CNTN4: variants seen among roughly 807,000 people sequenced by gnomAD.
The protein encoded by CNTN4 is contactin-4.
Under a neutral mutation model 122.5 loss-of-function variants are expected in CNTN4, and 77 were observed. The observed-to-expected ratio is 0.63, with a 90% CI of 0.52 to 0.76. CNTN4 has a LOEUF of 0.76. Among genes scored for constraint, CNTN4 ranks in the 30% least tolerant of loss-of-function variants. The pLI, the probability that CNTN4 is intolerant of heterozygous loss-of-function variation, is 0.00. For synonymous variants in CNTN4, 512 were observed against 447.0 expected, an observed-to-expected ratio of 1.15 and a Z score of -1.83; for missense variants, 1,256 against 1,259.1, an observed-to-expected ratio of 1.00 and a Z score of 0.04.
At chr3:2,330,488 C>G (rs1486617703) in intron 2 of CNTN4, among the ~76,000 whole-genome samples, 1 of 152,050 alleles carries the variant, frequency 6.6e-6, no homozygotes, top group Non-Finnish European at 1.5e-5. Flanking sequence ...TTGGAGATTC[C>G]AGGGATTTTA....
At chr3:2,464,558 T>A (rs79360315) in intron 3 of CNTN4, among the ~76,000 whole-genome samples, 1 of 152,178 alleles carries the variant, frequency 6.6e-6, no homozygotes, top group Non-Finnish European at 1.5e-5. Context: ...CTACATGTAG[T>A]CAAGTGTTGT....
At chr3:2,859,154 C>T (rs1260592176) in intron 7 of CNTN4, among the ~76,000 whole-genome samples, 1 of 152,236 alleles carries the variant, frequency 6.6e-6, no homozygotes, top group Non-Finnish European at 1.5e-5. Flanking sequence ...TGAGATCATG[C>T]ACTGCTTGTC....
chr3:3,000,880 C>CTTTTTTTTTTT (rs59337830), intron 14 of CNTN4, among the ~76,000 whole-genome samples: 4 of 131,500 alleles, frequency 3.0e-5, no homozygotes, highest in Non-Finnish European at 3.3e-5. Context: ...TTCTTTCTTT[C>CTTTTTTTTTTT]TTTTTTTTTT....
chr3:2,384,649 A>T (rs1049766649), intron 3 of CNTN4, among the ~76,000 whole-genome samples: 2 of 152,028 alleles, frequency 1.3e-5, no homozygotes, highest in Non-Finnish European at 2.9e-5. Context: ...TTTTTCTTCT[A>T]TGACACCTGA....
At chr3:2,183,390 A>C (rs1472396934) in intron 2 of CNTN4, among the ~76,000 whole-genome samples, 1 of 152,196 alleles carries the variant, frequency 6.6e-6, no homozygotes, top group South Asian at 2.1e-4. Flanking sequence ...TGAATCCGTA[A>C]TAACAATAGG....
At chr3:2,119,974 C>T (rs931552023) in intron 2 of CNTN4, among the ~76,000 whole-genome samples, 2 of 152,032 alleles carry the variant, frequency 1.3e-5, no homozygotes, top group Non-Finnish European at 2.9e-5. Context: ...TCAAGAAAGG[C>T]TTCTTGGTAA....
In CNTN4 at chr3:2,618,545, T is replaced by C. The variant is rs780020617; in HGVS notation, c.55+46987T>C. On this transcript the variant is annotated intron_variant, in intron 4 of 24. Coordinates refer to ENST00000418658, the MANE Select transcript of CNTN4 (RefSeq NM_175607.3). ...TTCATTTTTACAACAACCTATGAAA[T>C]AGGTATATTGATCCTATTCCAGAAA... Among the ~76,000 whole-genome samples, 58 of 152,242 alleles carry C rather than the reference T, an allele frequency of 3.8e-4. No homozygotes were observed. In the Middle Eastern group the frequency reaches 0.01, roughly 27 times the overall value.
At chr3:2,112,441 G>A (rs1323259304) in intron 2 of CNTN4, among the ~76,000 whole-genome samples, 1 of 152,108 alleles carries the variant, frequency 6.6e-6, no homozygotes, top group Non-Finnish European at 1.5e-5. Context: ...TAACAATAAT[G>A]ACTGGTGTAT....
At chr3:2,548,210 T>G (rs940840936) in intron 3 of CNTN4, among the ~76,000 whole-genome samples, 4 of 152,230 alleles carry the variant, frequency 2.6e-5, no homozygotes, top group African/African-American at 9.6e-5. Context: ...TGGCTTTTGT[T>G]GCCATTGCTT....
At chr3:2,861,242 A>G (rs2150773919) in intron 7 of CNTN4, among the ~76,000 whole-genome samples, 1 of 152,286 alleles carries the variant, frequency 6.6e-6, no homozygotes, top group South Asian at 2.1e-4. Flanking sequence ...CCAATTCCAG[A>G]GATCTTTCCA....
chr3:2,572,296 G>T (rs1225791567), intron 4 of CNTN4, among the ~76,000 whole-genome samples: 2 of 152,170 alleles, frequency 1.3e-5, no homozygotes, highest in East Asian at 3.9e-4. Context: ...TGAGGCAGGA[G>T]AATTGCTTGA....
intron 3 of CNTN4, among the ~76,000 whole-genome samples, chr3:2,458,288 A>G (rs1196502529): frequency 6.6e-6 from 1 of 152,174 alleles, no homozygotes; most frequent in Non-Finnish European, 1.5e-5. Flanking sequence ...TTAGAAGTTA[A>G]TATTAACCTA....
chr3:2,131,352 A>G (rs138449292), intron 2 of CNTN4, among the ~76,000 whole-genome samples: 4 of 152,298 alleles, frequency 2.6e-5, no homozygotes, highest in African/African-American at 9.6e-5. Flanking sequence ...ATCAACATAA[A>G]GGGAATTAAT....
chr3:2,799,835 T>G (rs1201201526), intron 6 of CNTN4, among the ~76,000 whole-genome samples: 1 of 152,196 alleles, frequency 6.6e-6, no homozygotes, highest in African/African-American at 2.4e-5. Context: ...GGGTCCAGTT[T>G]CATTCTCTTG....
At chr3:2,757,522 C>G (rs2090392498) in intron 6 of CNTN4, among the ~76,000 whole-genome samples, 1 of 152,160 alleles carries the variant, frequency 6.6e-6, no homozygotes, top group Non-Finnish European at 1.5e-5. Flanking sequence ...ACTGTGGTCT[C>G]TCAAGCGATG....
chr3:2,291,640 A>G (rs896008560), intron 2 of CNTN4, among the ~76,000 whole-genome samples: 15 of 152,212 alleles, frequency 9.9e-5, no homozygotes, highest in Middle Eastern at 3.4e-3. Context: ...TCCTTATGAT[A>G]AAGTATTTGG....
intron 3 of CNTN4, among the ~76,000 whole-genome samples, chr3:2,384,997 C>A (rs1020067964): frequency 6.6e-6 from 1 of 152,084 alleles, no homozygotes; most frequent in African/African-American, 2.4e-5. Flanking sequence ...GTTGGTTTTA[C>A]TGCCTCCATT....
At chr3:2,738,136 C>T (rs533928905) in intron 5 of CNTN4, among the ~76,000 whole-genome samples, 80 of 152,138 alleles carry the variant, frequency 5.3e-4, no homozygotes, top group African/African-American at 1.9e-3. Flanking sequence ...ACTTTCAAGC[C>T]GTAGCTATAG....
intron 7 of CNTN4, among the ~76,000 whole-genome samples, chr3:2,835,605 A>T (rs147300667): frequency 6.6e-6 from 1 of 152,200 alleles, no homozygotes; most frequent in African/African-American, 2.4e-5. Flanking sequence ...ATTTTATACA[A>T]CACCACAAAT....
Sources: allele counts gnomAD v4.1 joint callset (sites outside exome capture counted in the v4.1 genomes callset), GRCh38; gene constraint gnomAD v4.1.1; transcripts MANE v1.5; gene names NCBI Gene and HGNC (gene_info 2026-07-23, HGNC 2026-07-21).